The following NTN4 variants were observed in gnomAD, a reference collection of about 807,000 sequenced individuals.
The protein encoded by NTN4 is netrin-4.
In NTN4, 32 loss-of-function variants were observed where a neutral mutation model predicts 73.6. The ratio of observed to expected loss-of-function variants is 0.44; its 90% confidence interval spans 0.33 to 0.58. The LOEUF is 0.58. Ranked by LOEUF, NTN4 falls within the 20% of genes least tolerant of loss-of-function variation. The pLI is 0.04. For synonymous variants in NTN4, 258 were observed against 287.5 expected, an observed-to-expected ratio of 0.90 and a Z score of 1.04; for missense variants, 654 against 798.3, an observed-to-expected ratio of 0.82 and a Z score of 2.18.
chr12:95,730,048 G>T (rs1335906563), intron 3 of NTN4, among the ~76,000 whole-genome samples: 1 of 152,160 alleles, frequency 6.6e-6, no homozygotes, highest in Non-Finnish European at 1.5e-5. Flanking sequence ...GAGAAAATTT[G>T]CAAAGTGAGA....
chr12:95,761,283 A>G (rs934647932), intron 2 of NTN4, among the ~76,000 whole-genome samples: 2 of 150,874 alleles, frequency 1.3e-5, no homozygotes, highest in Non-Finnish European at 2.9e-5. Flanking sequence ...AATTCTGTGC[A>G]TAGTAAAAGT....
chr12:95,670,952 T>TTATGTATGTATGTATGTATG (rs10534793), intron 7 of NTN4: 16 of 148,944 alleles, frequency 1.1e-4, no homozygotes, highest in East Asian at 2.0e-4. Flanking sequence ...ATAGTTTATT[T>TTATGTATGTATGTATGTATG]TATGTATGTA....
intron 3 of NTN4, among the ~76,000 whole-genome samples, chr12:95,722,016 T>TAC (rs1487176601): frequency 1.3e-5 from 2 of 151,550 alleles, no homozygotes; most frequent in East Asian, 3.9e-4. Flanking sequence ...TCTATATATA[T>TAC]ACACGGTGGG....
chr12:95,787,541 A>T, intron 1 of NTN4, 73 bp from the exon 2 acceptor site: 2 of 1,462,824 alleles, frequency 1.4e-6, no homozygotes, highest in East Asian at 4.5e-5. Context: ...TAGTCCATCA[A>T]CAACAGTCAA....
chr12:95,774,186 T>TAAA (rs61303419), intron 2 of NTN4, among the ~76,000 whole-genome samples: 5,290 of 148,776 alleles, frequency 0.036, 212 homozygotes, highest in East Asian at 0.22. Flanking sequence ...TTTTTTTTTT[T>TAAA]AAAAAAAAAA....
intron 3 of NTN4, among the ~76,000 whole-genome samples, chr12:95,722,131 T>C (rs2078653173): frequency 6.6e-6 from 1 of 151,296 alleles, no homozygotes; most frequent in Admixed American, 6.6e-5. Flanking sequence ...AGTTTTGTGG[T>C]TTATCTTTCT....
At chr12:95,778,723 A>T (rs915541397) in intron 2 of NTN4, among the ~76,000 whole-genome samples, 2 of 152,176 alleles carry the variant, frequency 1.3e-5, no homozygotes, top group African/African-American at 4.8e-5. Flanking sequence ...GCCGAATTCT[A>T]CCAGAGGTAC....
Position 95,692,779 on chromosome 12 carries a change from A to T in NTN4, c.1181-9068T>A, listed in dbSNP as rs532038236. 3.3e-5 allele frequency among the ~76,000 whole-genome samples: 5 copies of T among 152,360 alleles called. No individual in the cohort carries two copies. In the East Asian group the frequency reaches 9.6e-4, roughly 29 times the overall value. ...AAAATAAAATAGAAGCAATATAATA[A>T]AGTTGGTAAGAGCACAAGCTTGGGA... On this transcript the variant is annotated intron_variant, in intron 5 of 9. Transcript: ENST00000343702.
intron 2 of NTN4, among the ~76,000 whole-genome samples, chr12:95,754,169 TA>T (rs886255912): frequency 2.6e-5 from 4 of 152,210 alleles, no homozygotes; most frequent in African/African-American, 9.6e-5. Context: ...CTCCTTCTTT[TA>T]TTCCATTTAG....
intron 2 of NTN4, among the ~76,000 whole-genome samples, chr12:95,769,686 G>A (rs1403231076): frequency 6.6e-6 from 1 of 151,730 alleles, no homozygotes. Flanking sequence ...GTTGAAGTAT[G>A]GACATTGGGA....
At position 95,658,897 on chromosome 12, in the gene NTN4, C is replaced by A. The variant is rs777701252; in HGVS notation, c.*189G>T. 43 of 498,076 alleles carry A rather than the reference C, an allele frequency of 8.6e-5. No individual in the cohort carries two copies. The highest frequency in any genetic ancestry group is 1.5e-4 in the Non-Finnish European group (43 of 288,326). 30.9% of individuals were successfully genotyped at this position (498,076 alleles called of 1,614,324 possible). A position where few individuals can be genotyped will look rare whatever the true frequency, so the allele number is the denominator to read the frequency against. On this transcript the variant is annotated 3_prime_UTR_variant, in exon 10 of 10. Transcript: ENST00000343702. ...GATATCAGTGTAGGGGTTTTCATTTCTCTTCATGAAATAAAACTGTATTTA... is the reference window on the plus strand; with the variant it reads ...GATATCAGTGTAGGGGTTTTCATTTATCTTCATGAAATAAAACTGTATTTA...
intron 2 of NTN4, among the ~76,000 whole-genome samples, chr12:95,779,515 GACAA>G (rs1360214937): frequency 1.3e-5 from 2 of 152,144 alleles, no homozygotes; most frequent in African/African-American, 2.4e-5. Flanking sequence ...ACCAATAACA[GACAA>G]ACAGAGAGCC....
At chr12:95,775,338 G>T (rs1027114162) in intron 2 of NTN4, among the ~76,000 whole-genome samples, 1 of 152,190 alleles carries the variant, frequency 6.6e-6, no homozygotes, top group Admixed American at 6.5e-5. Context: ...GTGGGTGCAG[G>T]ACAGTGGGTG....
At chr12:95,774,495 C>A (rs1192472556) in intron 2 of NTN4, among the ~76,000 whole-genome samples, 1 of 152,200 alleles carries the variant, frequency 6.6e-6, no homozygotes, top group Non-Finnish European at 1.5e-5. Context: ...TAGGCATGAA[C>A]AGATTTCGCC....
chr12:95,741,870 G>A (rs1311146993), intron 2 of NTN4, among the ~76,000 whole-genome samples: 2 of 151,946 alleles, frequency 1.3e-5, no homozygotes, highest in African/African-American at 2.4e-5. Context: ...CATAAGGGAG[G>A]ACTACTGTAA....
rs1334086028 is a variant in NTN4 at position 95,789,011 on chromosome 12, G to C, written c.55+1244C>G. ...GTTTTTTTTAAAGCTCATATTTTAA[G>C]AGTGCAAGAATTAAAGTAAAATCTT... On this transcript the variant is annotated intron_variant, in intron 1 of 9. Transcript: ENST00000343702. The surrounding 1 kb of genome is among the most constrained non-coding windows in gnomAD (Gnocchi z 4.0). 1.3e-5 allele frequency among the ~76,000 whole-genome samples: 2 copies of C among 152,174 alleles called. No homozygotes were observed. Among genetic ancestry groups the C allele is most frequent in the East Asian group, 1.9e-4 (1 of 5,202 alleles).
intron 9 of NTN4, among the ~76,000 whole-genome samples, chr12:95,662,073 AAATAT>A (rs1168163765): frequency 6.6e-6 from 1 of 152,166 alleles, no homozygotes; most frequent in Admixed American, 6.5e-5. Flanking sequence ...TTTGGTTAAA[AAATAT>A]AATACATACA....
At chr12:95,754,397 C>T (rs2078932802) in intron 2 of NTN4, among the ~76,000 whole-genome samples, 1 of 152,124 alleles carries the variant, frequency 6.6e-6, no homozygotes, top group Non-Finnish European at 1.5e-5. Context: ...AAAATTTTCG[C>T]CGCCCCAATA....
chr12:95,777,054 C>T (rs1240099553), intron 2 of NTN4, among the ~76,000 whole-genome samples: 1 of 152,034 alleles, frequency 6.6e-6, no homozygotes, highest in African/African-American at 2.4e-5. Flanking sequence ...TCATATCCAG[C>T]CAAACTAAGC....
Sources: gnomAD v4.1 joint callset for allele counts (sites outside exome capture counted in the v4.1 genomes callset) on GRCh38, gnomAD v4.1.1 for gene constraint, Gnocchi (gnomAD v3.1) non-coding constraint, MANE v1.5 for transcripts, NCBI Gene and HGNC (gene_info 2026-07-23, HGNC 2026-07-21) for gene names.